Variants in ANKRD28 observed in about 807,000 individuals in gnomAD.
ANKRD28 encodes the protein serine/threonine-protein phosphatase 6 regulatory ankyrin repeat subunit A.
A neutral mutation model predicts 126.5 loss-of-function variants in ANKRD28; 44 were observed. The observed-to-expected ratio is 0.35, with a 90% confidence interval of 0.27 to 0.45. The LOEUF is 0.45. Among genes scored for constraint, ANKRD28 ranks in the 20% least tolerant of loss-of-function variants. The pLI is 1.00. For missense variants in ANKRD28, 1,110 were observed against 1,316.6 expected (o/e 0.84, Z 2.43); for synonymous variants, 442 against 468.5 (o/e 0.94, Z 0.73).
chr3:15,836,953 A>T (rs1015574850), intron 1 of ANKRD28, among the ~76,000 whole-genome samples: 1 of 152,010 alleles, frequency 6.6e-6, no homozygotes, highest in Admixed American at 6.6e-5. Context: ...ACAAAAAATT[A>T]GCCGGGCATG....
intron 3 of ANKRD28, among the ~76,000 whole-genome samples, chr3:15,753,289 G>T (rs1444044619): frequency 6.6e-6 from 1 of 152,230 alleles, no homozygotes; most frequent in Non-Finnish European, 1.5e-5. Flanking sequence ...TCACAGTAAT[G>T]CCAACGTTTG....
chr3:15,803,186 A>G (rs2060499137), intron 1 of ANKRD28, among the ~76,000 whole-genome samples: 1 of 152,196 alleles, frequency 6.6e-6, no homozygotes, highest in African/African-American at 2.4e-5. Context: ...CTTTAAAAAC[A>G]TTATGTGGCT....
chr3:15,841,343 T>C (rs1434858359), intron 1 of ANKRD28, among the ~76,000 whole-genome samples: 2 of 152,092 alleles, frequency 1.3e-5, no homozygotes, highest in Non-Finnish European at 2.9e-5. Flanking sequence ...TATGGACAAA[T>C]GGGGTCACAT....
At chr3:15,671,490 C>T (rs2066346740) in intron 27 of ANKRD28, among the ~76,000 whole-genome samples, 1 of 152,106 alleles carries the variant, frequency 6.6e-6, no homozygotes, top group African/African-American at 2.4e-5. Flanking sequence ...CCAGTCGTTA[C>T]ACCTTTCTTC....
Position 15,797,209 on chromosome 3 carries a change from C to A in ANKRD28, c.-688G>T, listed in dbSNP as rs73040269. ...TTGGGAAAGGGGCAAAAAACAAAAA[C>A]AAAAAAAAAAAAACCACTCTGCATT... On this transcript the variant is annotated 5_prime_UTR_variant, in exon 1 of 28. Transcript: ENST00000683139. 0.11 allele frequency: 94,865 copies of A among 861,624 alleles called. 284 individuals are homozygous for A. The highest frequency in any genetic ancestry group is 0.12 in the Non-Finnish European group (84,976 of 726,156). The allele number at this position is 861,624 out of a possible 1,614,324, so 53.4% of individuals were successfully genotyped here. A position where few individuals can be genotyped will look rare whatever the true frequency, so the allele number is the denominator to read the frequency against.
rs2061265340 is a variant in ANKRD28, at chr3:15,833,938, T to C, written c.27+25439A>G. Among the ~76,000 whole-genome samples, 1 of 152,156 alleles carries C rather than the reference T, an allele frequency of 6.6e-6. No individual in the cohort carries two copies. Among genetic ancestry groups the C allele is most frequent in the Non-Finnish European group, 1.5e-5 (1 of 68,018 alleles). On this transcript the variant is annotated intron_variant, in intron 1 of 27. Coordinates refer to the ANKRD28 transcript ENST00000399451. The surrounding 1 kb of genome is among the most constrained non-coding windows in gnomAD (Gnocchi z 4.4). ...TTATTTGCCCATTTTTTAATGTTTGTTTTTTTCTTAAGTTCCTTGTAGATT... is the reference window on the plus strand; with the variant it reads ...TTATTTGCCCATTTTTTAATGTTTGCTTTTTTCTTAAGTTCCTTGTAGATT...
chr3:15,819,291 A>C (rs1209922507), intron 1 of ANKRD28, among the ~76,000 whole-genome samples: 1 of 152,204 alleles, frequency 6.6e-6, no homozygotes, highest in Non-Finnish European at 1.5e-5. Flanking sequence ...AAAAAGAAAG[A>C]AAGCAAAGAT....
rs180909482 is a variant in ANKRD28, at chr3:15,766,768, A to T, written c.202-456T>A. Among the ~76,000 whole-genome samples, 34 of 152,386 alleles carry T rather than the reference A, an allele frequency of 2.2e-4. 5 individuals carry two copies. Among genetic ancestry groups the T allele is most frequent in the Admixed American group, 9.8e-4 (15 of 15,310 alleles). ...ATACTTGACCTTAAAATAGTGGTATAAAGTCCAGCAAAGAATAAAAATAAA... is the reference window on the plus strand; with the variant it reads ...ATACTTGACCTTAAAATAGTGGTATTAAGTCCAGCAAAGAATAAAAATAAA... On this transcript the variant is annotated intron_variant, in intron 2 of 27. Transcript: ENST00000683139.
chr3:15,677,053 G>T lies in ANKRD28; in HGVS notation c.2794C>A (p.His932Asn). 1.9e-6 allele frequency: 3 copies of T among 1,612,534 alleles called. No individual in the cohort carries two copies. In the South Asian group the frequency reaches 3.3e-5, roughly 18 times the overall value. Reference sequence around the variant, plus strand: ...AGTATTAACAAGGCACTAGTTTCATGACCCTATAATTGTGGCAGATAAGTT... The same window carrying T: ...AGTATTAACAAGGCACTAGTTTCATTACCCTATAATTGTGGCAGATAAGTT... The part of the protein sequence containing the change: ...TALHLACSKG[H>N]ETSALLILEK... Residue 932 changes from histidine to asparagine, a missense_variant, in exon 26 of 28, where the codon CAT (histidine) becomes AAT (asparagine). His to Asn is a moderately conservative substitution (Grantham distance 68). Coordinates refer to ENST00000683139, the MANE Select transcript of ANKRD28 (RefSeq NM_001349278.2).
chr3:15,681,824 G>A (rs2067576049), intron 21 of ANKRD28, among the ~76,000 whole-genome samples: 1 of 152,298 alleles, frequency 6.6e-6, no homozygotes, highest in African/African-American at 2.4e-5. Flanking sequence ...GTGGGGCAGT[G>A]CAACTGGCAT....
At chr3:15,717,169 G>C (rs1316693147) in intron 8 of ANKRD28, among the ~76,000 whole-genome samples, 5 of 152,022 alleles carry the variant, frequency 3.3e-5, no homozygotes, top group Non-Finnish European at 5.9e-5. Flanking sequence ...TTAGAGACAA[G>C]GTCTTGCTAT....
chr3:15,715,092 G>A (rs545722011), intron 8 of ANKRD28, among the ~76,000 whole-genome samples: 13 of 152,186 alleles, frequency 8.5e-5, no homozygotes, highest in African/African-American at 2.9e-4. Flanking sequence ...TTATAGTTAC[G>A]TGTACTAAAT....
Position 15,741,697 on chromosome 3 carries a change from CTTTTTTTTTTTTTTTTTTTTTT to C in ANKRD28, c.352-4486_352-4465del, listed in dbSNP as rs58655271. On this transcript the variant is annotated intron_variant, in intron 4 of 27. Coordinates refer to ENST00000683139, the MANE Select transcript of ANKRD28 (RefSeq NM_001349278.2). Reference sequence around the variant, plus strand: ...ACCAGTTTTCCCCTTTGGTTCTATCCTTTTTTTTTTTTTTTTTTTTTTTTTTTTTTTTTTTTTTTTAGCAATT... The same window carrying C: ...ACCAGTTTTCCCCTTTGGTTCTATCCTTTTTTTTTTTTTTTTTTAGCAATT... 1.5e-3 allele frequency among the ~76,000 whole-genome samples: 52 copies of C among 33,668 alleles called. 1 individual carries two copies. The highest frequency in any genetic ancestry group is 3.7e-3 in the African/African-American group (41 of 11,134). The allele number at this position is 33,668 out of a possible 152,430, so 22.1% of individuals were successfully genotyped here.
chr3:15,696,026 T>A, intron 15 of ANKRD28, 108 bp downstream of exon 15: 1 of 788,690 alleles, frequency 1.3e-6, no homozygotes, highest in East Asian at 2.7e-5. Flanking sequence ...TCTGAAAATG[T>A]TAAAAAACAA....
chr3:15,756,811 A>G (rs966872766), intron 3 of ANKRD28, among the ~76,000 whole-genome samples: 4 of 152,208 alleles, frequency 2.6e-5, no homozygotes, highest in Admixed American at 2.0e-4. Flanking sequence ...ACAGTCAGCA[A>G]TTCTATTAGG....
intron 1 of ANKRD28, among the ~76,000 whole-genome samples, chr3:15,818,643 AAC>A (rs1417339411): frequency 6.6e-6 from 1 of 152,246 alleles, no homozygotes; most frequent in African/African-American, 2.4e-5. Flanking sequence ...CAATTTTAAC[AAC>A]ACACTGTAAA....
At chr3:15,725,393 A>C (rs1268712912) in intron 6 of ANKRD28, among the ~76,000 whole-genome samples, 1 of 152,156 alleles carries the variant, frequency 6.6e-6, no homozygotes. Flanking sequence ...CCTTTTGCCT[A>C]GATCTTGTTT....
chr3:15,854,780 G>T lies in ANKRD28; in HGVS notation c.27+4597C>A, dbSNP rs1436898459. Among the ~76,000 whole-genome samples the T allele has an allele frequency of 6.6e-6, 1 of 152,140 alleles. No individual in the cohort carries two copies. Reference sequence around the variant, plus strand: ...AAAACAGGAAGACACGCCAGGCATGGTGGCTCACGCCTGTAATCCCAGCAC... The same window carrying T: ...AAAACAGGAAGACACGCCAGGCATGTTGGCTCACGCCTGTAATCCCAGCAC... On this transcript the variant is annotated intron_variant, in intron 1 of 27. Coordinates refer to the ANKRD28 transcript ENST00000399451. This position sits in a 1 kb window ranked among gnomAD's most constrained non-coding sequence, Gnocchi z 4.1.
chr3:15,793,090 G>A (rs1575702479), intron 2 of ANKRD28, among the ~76,000 whole-genome samples: 1 of 152,032 alleles, frequency 6.6e-6, no homozygotes, highest in Admixed American at 6.6e-5. Flanking sequence ...AAAGTCCAAC[G>A]TTATTCTCCA....
Sources: allele counts gnomAD v4.1 joint callset (sites outside exome capture counted in the v4.1 genomes callset), GRCh38; gene constraint gnomAD v4.1.1; non-coding constraint Gnocchi (gnomAD v3.1); transcripts MANE v1.5; gene names NCBI Gene and HGNC (gene_info 2026-07-23, HGNC 2026-07-21).